SLC24A4: variants seen among roughly 807,000 people sequenced by gnomAD.
SLC24A4 encodes the protein sodium/potassium/calcium exchanger 4.
A neutral mutation model predicts 79.0 loss-of-function variants in SLC24A4; 53 were observed. The ratio of observed to expected loss-of-function variants is 0.67; its 90% CI spans 0.54 to 0.84. The LOEUF is 0.84. Ranked by LOEUF, SLC24A4 falls within the 40% of genes least tolerant of loss-of-function variation. SLC24A4 has a pLI of 0.00. For synonymous variants in SLC24A4, 323 were observed against 323.8 expected, an observed-to-expected ratio of 1.00 and a Z score of 0.03; for missense variants, 731 against 822.0, an observed-to-expected ratio of 0.89 and a Z score of 1.35.
chr14:92,465,741 G>A (rs543426341), intron 12 of SLC24A4, among the ~76,000 whole-genome samples: 54 of 149,284 alleles, frequency 3.6e-4, no homozygotes, highest in Non-Finnish European at 7.1e-4. Flanking sequence ...CCCTAGGAAG[G>A]CCCCCTCCCG....
chr14:92,482,013 C>T (rs1055840784), intron 12 of SLC24A4, among the ~76,000 whole-genome samples: 2 of 152,198 alleles, frequency 1.3e-5, no homozygotes, highest in South Asian at 2.1e-4. Context: ...GCAGCCAGGG[C>T]ACACATTTAG....
At chr14:92,458,376 G>C (rs577310899) in intron 12 of SLC24A4, among the ~76,000 whole-genome samples, 1 of 152,286 alleles carries the variant, frequency 6.6e-6, no homozygotes, top group East Asian at 1.9e-4. Context: ...GTCTCGGCCC[G>C]TCTCAAACGC....
chr14:92,336,108 C>T (rs1885784218), intron 2 of SLC24A4, among the ~76,000 whole-genome samples: 2 of 152,120 alleles, frequency 1.3e-5, no homozygotes, highest in South Asian at 4.1e-4. Context: ...TGCAGCGTGG[C>T]CTACCACAAT....
At chr14:92,480,573 G>A (rs773331469) in intron 12 of SLC24A4, among the ~76,000 whole-genome samples, 6 of 151,874 alleles carry the variant, frequency 4.0e-5, no homozygotes, top group Non-Finnish European at 7.4e-5. Context: ...GATTACAGGC[G>A]TGAGCCACCA....
chr14:92,359,334 G>A (rs1033141589), intron 2 of SLC24A4, among the ~76,000 whole-genome samples: 2 of 151,618 alleles, frequency 1.3e-5, no homozygotes, highest in African/African-American at 4.9e-5. Flanking sequence ...CCAGCACTTT[G>A]GGAGGCCAAG....
intron 12 of SLC24A4, among the ~76,000 whole-genome samples, chr14:92,465,053 G>A (rs1234366683): frequency 6.6e-6 from 1 of 152,178 alleles, no homozygotes; most frequent in East Asian, 1.9e-4. Flanking sequence ...GGTATTTATG[G>A]TATCCCCATT....
At chr14:92,474,856 TA>T (rs1894667934) in intron 12 of SLC24A4, among the ~76,000 whole-genome samples, 1 of 68,848 alleles carries the variant, frequency 1.5e-5, no homozygotes, top group African/African-American at 6.4e-5. Flanking sequence ...TATATATATA[TA>T]TATATATTTT....
In SLC24A4 at chr14:92,493,508, G is replaced by A; in HGVS notation, c.1749G>A (p.Leu583=). 2.5e-6 allele frequency: 4 copies of A among 1,614,236 alleles called. No homozygotes were observed. Among genetic ancestry groups the A allele is most frequent in the African/African-American group, 2.7e-5 (2 of 75,066 alleles). The change falls in exon 17 of 17, where the codon CTG becomes CTA. Residue 583 remains leucine, a synonymous_variant. Transcript: ENST00000532405. ...GCATCCACCTAAACAAGTGGCGACT[G>A]GACCGGAAGCTGGGTGTCTACGTGC... ...VLGIHLNKWR[L]DRKLGVYVLV...
chr14:92,439,563 G>A (rs906520199), intron 4 of SLC24A4, among the ~76,000 whole-genome samples, 154 bp downstream of exon 4: 3 of 152,318 alleles, frequency 2.0e-5, no homozygotes, highest in African/African-American at 4.8e-5. Flanking sequence ...GCGAAGCCTC[G>A]CCAGAAACCC....
intron 2 of SLC24A4, among the ~76,000 whole-genome samples, chr14:92,413,985 A>G (rs1033373683): frequency 3.3e-5 from 5 of 152,130 alleles, no homozygotes; most frequent in African/African-American, 1.2e-4. Flanking sequence ...TTTGATAGAG[A>G]GTTCTTTGAG....
rs1049448860 is a variant in SLC24A4, at chr14:92,442,032, G to A, written c.394-57G>A. The stretch of plus-strand genomic sequence containing the variant: ...ATGCTCCTTGGCTGTAGAGCGTCCA[G>A]TGATGTCCAGTACCCCCACGTCACA... On this transcript the variant is annotated intron_variant, in intron 4 of 16. Transcript: ENST00000532405. 3 of 1,395,840 alleles carry A rather than the reference G, an allele frequency of 2.1e-6. No individual in the cohort carries two copies. The African/African-American group carries it at 4.2e-5, about 20-fold the overall frequency. 86.5% of individuals were successfully genotyped at this position (1,395,840 alleles called of 1,614,324 possible).
intron 2 of SLC24A4, among the ~76,000 whole-genome samples, chr14:92,345,964 T>C (rs751621559): frequency 1.7e-4 from 26 of 151,976 alleles, no homozygotes; most frequent in Non-Finnish European, 3.1e-4. Flanking sequence ...CAGGAGATAG[T>C]GACTGGGATG....
chr14:92,464,178 T>A (rs1893970001), intron 12 of SLC24A4, among the ~76,000 whole-genome samples: 1 of 152,244 alleles, frequency 6.6e-6, no homozygotes, highest in African/African-American at 2.4e-5. Context: ...TTAAGTTTTC[T>A]GTGGTTAGCA....
At chr14:92,334,148 G>A (rs576487262) in intron 2 of SLC24A4, among the ~76,000 whole-genome samples, 7 of 152,298 alleles carry the variant, frequency 4.6e-5, no homozygotes, top group Non-Finnish European at 5.9e-5. Context: ...TTTTAAAGTC[G>A]TTATGTAAAA....
At chr14:92,383,611 G>T (rs1888973774) in intron 2 of SLC24A4, among the ~76,000 whole-genome samples, 1 of 152,190 alleles carries the variant, frequency 6.6e-6, no homozygotes, top group South Asian at 2.1e-4. Context: ...TGCTTCCCAT[G>T]CGGCCTCTCT....
chr14:92,342,839 C>T (rs532306848), intron 2 of SLC24A4, among the ~76,000 whole-genome samples: 3 of 152,330 alleles, frequency 2.0e-5, no homozygotes, highest in Admixed American at 6.5e-5. Flanking sequence ...GGATCTGGCT[C>T]CTCTGTGCCC....
At chr14:92,423,769 T>C (rs10143402) in intron 2 of SLC24A4, among the ~76,000 whole-genome samples, 63,103 of 152,030 alleles carry the variant, frequency 0.42, 13,354 homozygotes, top group Non-Finnish European at 0.44. Context: ...AGGCTTCAGG[T>C]GTGCCCTGGG....
At position 92,323,646 on chromosome 14, in the gene SLC24A4, G is replaced by T. The variant is rs1328467270; in HGVS notation, c.-185G>T. On this transcript the variant is annotated 5_prime_UTR_variant, in exon 1 of 17. Transcript: ENST00000532405. This position sits in a 1 kb window ranked among gnomAD's most constrained non-coding sequence, Gnocchi z 4.9. ...ACTCTGAGCTCCGGCCGCGTCGCGC[G>T]TCCCCACCTTCCCAAGGGGCTCCCC... is the stretch of plus-strand genomic sequence containing the variant. 5 of 613,874 alleles carry T rather than the reference G, an allele frequency of 8.1e-6. No homozygotes were observed. Among genetic ancestry groups the T allele is most frequent in the Non-Finnish European group, 1.3e-5 (5 of 391,482 alleles). 38.0% of individuals were successfully genotyped at this position (613,874 alleles called of 1,614,324 possible). A position where few individuals can be genotyped will look rare whatever the true frequency, so the allele number is the denominator to read the frequency against.
chr14:92,341,537 G>C (rs866083957), intron 2 of SLC24A4, among the ~76,000 whole-genome samples: 2 of 152,182 alleles, frequency 1.3e-5, no homozygotes. Flanking sequence ...GCTAAGCATC[G>C]GCAAAGAGAG....
Sources: gnomAD v4.1 joint callset for allele counts (sites outside exome capture counted in the v4.1 genomes callset) on GRCh38, gnomAD v4.1.1 for gene constraint, Gnocchi (gnomAD v3.1) non-coding constraint, MANE v1.5 for transcripts, NCBI Gene and HGNC (gene_info 2026-07-23, HGNC 2026-07-21) for gene names.